Variants in MCTP2 observed in about 807,000 individuals in gnomAD.
MCTP2 encodes the protein multiple C2 and transmembrane domain-containing protein 2.
A neutral mutation model predicts 111.6 loss-of-function variants in MCTP2; 132 were observed. That is an observed-to-expected ratio of 1.18 (90% CI 1.03 to 1.37). The LOEUF (loss-of-function observed/expected upper bound fraction) is 1.37. Ranked by LOEUF, MCTP2 falls within the 40% of genes most tolerant of loss-of-function variation. The pLI is 0.00. For synonymous variants in MCTP2, 395 were observed against 387.7 expected (o/e 1.02, Z -0.22); for missense variants, 1,183 against 1,067.9 (o/e 1.11, Z -1.50).
chr15:94,392,913 C>A (rs1471667620), intron 14 of MCTP2, among the ~76,000 whole-genome samples: 1 of 151,800 alleles, frequency 6.6e-6, no homozygotes, highest in African/African-American at 2.4e-5. Context: ...GATAATAGTT[C>A]CTATTGCATA....
At chr15:94,340,967 G>A (rs201361566) in intron 7 of MCTP2, 43 bp downstream of exon 7, 42 of 1,270,258 alleles carry the variant, frequency 3.3e-5, no homozygotes, top group Middle Eastern at 1.8e-4. Flanking sequence ...TCATTTTGTC[G>A]TTTTGAAATG....
At chr15:94,450,473 A>G (rs1596755670) in intron 19 of MCTP2, among the ~76,000 whole-genome samples, 2 of 152,332 alleles carry the variant, frequency 1.3e-5, no homozygotes, top group Non-Finnish European at 2.9e-5. Context: ...TTTTAATTTC[A>G]TGTATCAGAA....
At chr15:94,478,893 G>A in intron 22 of MCTP2, 73 bp from the exon 23 acceptor site, 1 of 1,326,044 alleles carries the variant, frequency 7.5e-7, no homozygotes. Context: ...GTTGTCCTTG[G>A]GGAGCCATTA....
At chr15:94,319,492 G>A (rs906984031) in intron 4 of MCTP2, among the ~76,000 whole-genome samples, 5 of 152,312 alleles carry the variant, frequency 3.3e-5, no homozygotes, top group Non-Finnish European at 5.9e-5. Flanking sequence ...CTCTGATTCA[G>A]TGTGTCTGGG....
At position 94,442,323 on chromosome 15, in the gene MCTP2, G is replaced by A. The variant is rs538342989; in HGVS notation, c.2209-596G>A. Reference sequence around the variant, plus strand: ...AAACAAGGCCGTTAGCAGTACAGCTGGTGCTGTGGCACCTGAGCTAAAGCC... The same window carrying A: ...AAACAAGGCCGTTAGCAGTACAGCTAGTGCTGTGGCACCTGAGCTAAAGCC... On this transcript the variant is annotated intron_variant, in intron 18 of 22. Transcript: ENST00000357742. Among the ~76,000 whole-genome samples, 3 of 152,298 alleles carry A rather than the reference G, an allele frequency of 2.0e-5. No individual in the cohort carries two copies. The East Asian group carries it at 5.8e-4, about 29-fold the overall frequency.
At chr15:94,365,556 G>C (rs1393657939) in intron 10 of MCTP2, among the ~76,000 whole-genome samples, 1 of 152,164 alleles carries the variant, frequency 6.6e-6, no homozygotes, top group Non-Finnish European at 1.5e-5. Flanking sequence ...CACTTAAACA[G>C]TCGCTAGGAA....
At chr15:94,395,690 T>C (rs1167210672) in intron 14 of MCTP2, among the ~76,000 whole-genome samples, 1 of 152,226 alleles carries the variant, frequency 6.6e-6, no homozygotes, top group Non-Finnish European at 1.5e-5. Context: ...TTATATTTAC[T>C]GTGCTTACTG....
rs1003452248 is a variant in MCTP2, at chr15:94,315,549, T to TG, written c.551dup (p.Ser186GlufsTer2). On this transcript the variant is annotated frameshift_variant, in exon 4 of 23. Coordinates refer to ENST00000357742, the MANE Select transcript of MCTP2 (RefSeq NM_001385001.1). LOFTEE classifies it high-confidence loss of function. Reference sequence around the variant, plus strand: ...TGCAGGTACCGGGGGAAGCCAGTGATGGCTTGAGTAACCTCCCCAGCCCTT... The same window carrying TG: ...TGCAGGTACCGGGGGAAGCCAGTGATGGGCTTGAGTAACCTCCCCAGCCCTT... The TG allele has an allele frequency of 6.2e-7, 1 of 1,613,902 alleles. No individual in the cohort carries two copies. Among genetic ancestry groups the TG allele is most frequent in the Non-Finnish European group, 8.5e-7 (1 of 1,179,942 alleles).
rs1210097712 is a variant in MCTP2 at position 94,401,912 on chromosome 15, G to T, written c.1978G>T (p.Asp660Tyr). 1.2e-6 allele frequency: 2 copies of T among 1,611,740 alleles called. No homozygotes were observed. Among genetic ancestry groups the T allele is most frequent in the South Asian group, 1.1e-5 (1 of 90,670 alleles). ...RKLSKKILSR[D>Y]VDRVKRITMA... ...TTTTTAAAATCAGATCTTATCAAGA[G>T]ATGTGGACCGTGTGAAAAGAATCAC... Residue 660 changes from aspartate to tyrosine, a missense_variant, in exon 17 of 23, where the codon GAT becomes TAT. Asp to Tyr is a radical substitution (Grantham distance 160). Coordinates refer to ENST00000357742, the MANE Select transcript of MCTP2 (RefSeq NM_001385001.1).
intron 3 of MCTP2, 40 bp from the exon 4 acceptor site, chr15:94,315,489 C>A: frequency 7.0e-7 from 1 of 1,434,796 alleles, no homozygotes; most frequent in Non-Finnish European, 9.8e-7. Flanking sequence ...TTGCTTGGGC[C>A]CAAGACATAC....
In MCTP2 at chr15:94,261,194, A is replaced by G. The variant is rs528321374; in HGVS notation, c.-66+29530A>G. Among the ~76,000 whole-genome samples the G allele has an allele frequency of 1.8e-4, 27 of 152,276 alleles. No individual in the cohort carries two copies. The South Asian group carries it at 4.8e-3, about 27-fold the overall frequency. The stretch of plus-strand genomic sequence containing the variant: ...TTTCATGTATTGATTGATGTGTCTC[A>G]TGTCTCCCTAAAATGTATAAAACCA... On this transcript the variant is annotated intron_variant, in intron 1 of 22. Coordinates refer to ENST00000357742, the MANE Select transcript of MCTP2 (RefSeq NM_001385001.1).
chr15:94,366,963 G>A (rs2152435024), intron 10 of MCTP2, among the ~76,000 whole-genome samples: 1 of 152,324 alleles, frequency 6.6e-6, no homozygotes, highest in Middle Eastern at 3.4e-3. Context: ...TAGCAGATGG[G>A]TACAGCCTTT....
chr15:94,386,282 A>G (rs34591432), intron 14 of MCTP2, among the ~76,000 whole-genome samples: 53,837 of 152,052 alleles, frequency 0.35, 11,989 homozygotes, highest in Non-Finnish European at 0.5. Context: ...CCATTAACAC[A>G]GTTTGTTTTA....
intron 14 of MCTP2, among the ~76,000 whole-genome samples, chr15:94,393,697 T>C (rs2081117796): frequency 6.6e-6 from 1 of 152,032 alleles, no homozygotes; most frequent in Admixed American, 6.6e-5. Context: ...ACTAGTACAG[T>C]ATATACATTT....
chr15:94,246,763 C>T (rs1026328631), intron 1 of MCTP2, among the ~76,000 whole-genome samples: 6 of 152,172 alleles, frequency 3.9e-5, no homozygotes, highest in African/African-American at 1.4e-4. Context: ...TTTAAGCTGT[C>T]ACATGATAAT....
chr15:94,292,383 G>C (rs1395970426), intron 1 of MCTP2, among the ~76,000 whole-genome samples: 2 of 152,096 alleles, frequency 1.3e-5, no homozygotes, highest in African/African-American at 4.8e-5. Flanking sequence ...CTATGAAGAA[G>C]ACCTAAAGGA....
At chr15:94,463,404 G>T (rs2085332620) in intron 20 of MCTP2, among the ~76,000 whole-genome samples, 1 of 151,974 alleles carries the variant, frequency 6.6e-6, no homozygotes, top group South Asian at 2.1e-4. Flanking sequence ...TTTTCTACCT[G>T]TTACTCACAT....
At position 94,298,669 on chromosome 15, in the gene MCTP2, G is replaced by A. The variant is rs779821517; in HGVS notation, c.404G>A (p.Ser135Asn). ...CCTGCTGAGCGGAGACGGGTGTCCA[G>A]CAACGGCATCTTTGATCTTCAGAAA... Reference protein sequence around the residue: ...ASPAERRRVSSNGIFDLQKTS... With the variant: ...ASPAERRRVSNNGIFDLQKTS... The change falls in exon 2 of 23, where the codon AGC (serine) becomes AAC (asparagine). Residue 135 changes from serine (S) to asparagine (N), a missense_variant. Transcript: ENST00000357742. 3.1e-6 allele frequency: 5 copies of A among 1,613,644 alleles called. No individual in the cohort carries two copies. Among genetic ancestry groups the A allele is most frequent in the Non-Finnish European group, 4.2e-6 (5 of 1,179,876 alleles).
At chr15:94,373,569 A>G (rs1302373585) in intron 12 of MCTP2, among the ~76,000 whole-genome samples, 1 of 152,198 alleles carries the variant, frequency 6.6e-6, no homozygotes, top group African/African-American at 2.4e-5. Context: ...CTGTTAATAC[A>G]TTTAAATGTA....
Sources: gnomAD v4.1 joint callset for allele counts (sites outside exome capture counted in the v4.1 genomes callset) on GRCh38, gnomAD v4.1.1 for gene constraint, MANE v1.5 for transcripts, NCBI Gene and HGNC (gene_info 2026-07-23, HGNC 2026-07-21) for gene names.